The following ARB2A variants were observed in gnomAD, a reference collection of about 807,000 sequenced individuals.
ARB2A encodes the protein cotranscriptional regulator ARB2A.
the ARB2A span, among the ~76,000 whole-genome samples, chr5:93,945,033 G>A: frequency 6.6e-6 from 1 of 152,188 alleles, no homozygotes; most frequent in South Asian, 2.1e-4. Flanking sequence ...GTAAGTTCAA[G>A]TAAGGAGCAG....
At chr5:93,849,017 T>C in the ARB2A span, among the ~76,000 whole-genome samples, 3 of 152,198 alleles carry the variant, frequency 2.0e-5, no homozygotes, top group Non-Finnish European at 2.9e-5. Flanking sequence ...AGCAATTAAT[T>C]GTCATAAGTT....
the ARB2A span, among the ~76,000 whole-genome samples, chr5:93,970,275 A>G: frequency 6.6e-6 from 1 of 152,140 alleles, no homozygotes; most frequent in Non-Finnish European, 1.5e-5. Context: ...AAATGCTAAG[A>G]GAATCCTGAC....
the ARB2A span, among the ~76,000 whole-genome samples, chr5:93,641,768 A>G: frequency 6.6e-6 from 1 of 152,252 alleles, no homozygotes; most frequent in Non-Finnish European, 1.5e-5. Context: ...AAAATATCAT[A>G]TTAAAAATAC....
the ARB2A span, among the ~76,000 whole-genome samples, chr5:93,770,228 G>A: frequency 6.6e-6 from 1 of 152,126 alleles, no homozygotes; most frequent in Non-Finnish European, 1.5e-5. Flanking sequence ...CACCTGAGTT[G>A]AAGTTTAAGC....
the ARB2A span, among the ~76,000 whole-genome samples, chr5:93,874,554 T>A: frequency 6.6e-6 from 1 of 152,198 alleles, no homozygotes; most frequent in Non-Finnish European, 1.5e-5. Context: ...TCCATTTGAT[T>A]GTCCCTAAGT....
the ARB2A span, among the ~76,000 whole-genome samples, chr5:93,799,009 T>C: frequency 6.6e-6 from 1 of 152,138 alleles, no homozygotes; most frequent in African/African-American, 2.4e-5. Flanking sequence ...GTCAAACTGG[T>C]TTCTTCATGT....
At chr5:94,037,063 T>C in the ARB2A span, among the ~76,000 whole-genome samples, 1 of 152,178 alleles carries the variant, frequency 6.6e-6, no homozygotes, top group African/African-American at 2.4e-5. Context: ...CACCTTAACA[T>C]AAAATATATT....
At chr5:93,985,349 GA>G in the ARB2A span, among the ~76,000 whole-genome samples, 2 of 151,648 alleles carry the variant, frequency 1.3e-5, no homozygotes, top group Non-Finnish European at 2.9e-5. Context: ...TATTCACTAA[GA>G]AAAACATGCC....
At chr5:94,053,072 TATAGATAGATAGATAGATAGATAGATAG>T in the ARB2A span, 2 of 638,518 alleles carry the variant, frequency 3.1e-6, no homozygotes, top group Non-Finnish European at 5.2e-6. Context: ...TTGCATATAC[TATAGATAGATAGATAGATAGATAGATAG>T]ATAGATAGAT....
At chr5:93,890,335 G>A in the ARB2A span, among the ~76,000 whole-genome samples, 35 of 151,036 alleles carry the variant, frequency 2.3e-4, no homozygotes, top group East Asian at 1.9e-3. Flanking sequence ...TATTTACCAC[G>A]TAAATTATAA....
At chr5:94,084,212 C>A in the ARB2A span, among the ~76,000 whole-genome samples, 105 of 142,792 alleles carry the variant, frequency 7.4e-4, no homozygotes, top group Non-Finnish European at 1.3e-3. Context: ...AGGCAGAGGT[C>A]GCAGGGAGCA....
the ARB2A span, among the ~76,000 whole-genome samples, chr5:94,073,807 C>G: frequency 6.6e-6 from 1 of 152,074 alleles, no homozygotes; most frequent in African/African-American, 2.4e-5. Flanking sequence ...CCTCTCTTTC[C>G]ATTCTCTGCT....
the ARB2A span, among the ~76,000 whole-genome samples, chr5:93,720,988 A>C: frequency 6.6e-6 from 1 of 152,186 alleles, no homozygotes; most frequent in African/African-American, 2.4e-5. Context: ...ATTTAATGTC[A>C]ACATACCCCA....
the ARB2A span, among the ~76,000 whole-genome samples, chr5:93,698,390 T>C: frequency 6.6e-6 from 1 of 152,046 alleles, no homozygotes; most frequent in East Asian, 1.9e-4. Flanking sequence ...CAACAAATCA[T>C]AAATATAACA....
the ARB2A span, among the ~76,000 whole-genome samples, chr5:94,020,496 C>T: frequency 6.6e-6 from 1 of 152,246 alleles, no homozygotes; most frequent in East Asian, 1.9e-4. Context: ...GATCCAAGGG[C>T]CTGCCCAAAT....
At chr5:93,653,834 C>T in the ARB2A span, among the ~76,000 whole-genome samples, 9 of 152,176 alleles carry the variant, frequency 5.9e-5, no homozygotes, top group Admixed American at 5.9e-4. Context: ...ATTATAGACA[C>T]AGAAACTGAC....
At chr5:93,752,110 A>G in the ARB2A span, among the ~76,000 whole-genome samples, 2 of 152,188 alleles carry the variant, frequency 1.3e-5, no homozygotes, top group African/African-American at 4.8e-5. Context: ...GAGTCAATAA[A>G]CAGACATAGA....
chr5:93,942,793 T>C, the ARB2A span, among the ~76,000 whole-genome samples: 1 of 152,104 alleles, frequency 6.6e-6, no homozygotes, highest in African/African-American at 2.4e-5. Context: ...TCGTGGTTTC[T>C]TGCATAAACT....
the ARB2A span, chr5:93,741,711 G>GT: frequency 1.1e-6 from 1 of 929,640 alleles, no homozygotes. Context: ...GGGAAATCTG[G>GT]TAGATCCATA....
Sources: allele counts gnomAD v4.1 joint callset (sites outside exome capture counted in the v4.1 genomes callset), GRCh38; gene constraint gnomAD v4.1.1; transcripts MANE v1.5; gene names NCBI Gene and HGNC (gene_info 2026-07-23, HGNC 2026-07-21).